The following CLDN18 variants were observed in gnomAD, a reference collection of about 807,000 sequenced individuals.
CLDN18 encodes the protein claudin-18.
In CLDN18, 20 loss-of-function variants were observed where a neutral mutation model predicts 25.0. The observed-to-expected ratio is 0.80, with a 90% CI of 0.56 to 1.16. CLDN18 has a LOEUF of 1.16. Among genes scored for constraint, CLDN18 ranks in the 50% most tolerant of loss-of-function variants. The pLI is 0.00. For missense variants in CLDN18, 297 were observed against 345.4 expected (o/e 0.86, Z 1.11); for synonymous variants, 125 against 135.6 (o/e 0.92, Z 0.54).
chr3:138,026,773 G>A (rs941336788), intron 3 of CLDN18, among the ~76,000 whole-genome samples: 8 of 152,292 alleles, frequency 5.3e-5, no homozygotes, highest in African/African-American at 1.9e-4. Flanking sequence ...AGGAAACAGG[G>A]ACGGGAAGGA....
chr3:138,017,072 G>C (rs1169938710), intron 1 of CLDN18, among the ~76,000 whole-genome samples: 4 of 147,046 alleles, frequency 2.7e-5, no homozygotes, highest in South Asian at 2.2e-4. Flanking sequence ...AAAAAACAAA[G>C]AAAGAAAGTG....
At chr3:138,002,336 C>A (rs1259173096) in intron 1 of CLDN18, among the ~76,000 whole-genome samples, 1 of 152,114 alleles carries the variant, frequency 6.6e-6, no homozygotes, top group Non-Finnish European at 1.5e-5. Context: ...TATTTACTGC[C>A]AATAATTGTT....
In CLDN18 at chr3:138,024,727, A is replaced by G; in HGVS notation, c.503+3A>G. ...ATGGTGCAGACTGTTCAGACCAGGT[A>G]ACCTCCTAATCTAGGTCTCGGCATT... On this transcript the variant is annotated splice_donor_region_variant and intron_variant, in intron 3 of 4. Transcript: ENST00000183605. The G allele has an allele frequency of 3.3e-6, 5 of 1,514,314 alleles. No homozygotes were observed. Among genetic ancestry groups the G allele is most frequent in the Non-Finnish European group, 4.6e-6 (5 of 1,091,208 alleles). 93.8% of individuals were successfully genotyped at this position (1,514,314 alleles called of 1,614,324 possible). A position where few individuals can be genotyped will look rare whatever the true frequency, so the allele number is the denominator to read the frequency against.
At chr3:138,017,109 C>T (rs186675560) in intron 1 of CLDN18, among the ~76,000 whole-genome samples, 2 of 152,038 alleles carry the variant, frequency 1.3e-5, no homozygotes, top group African/African-American at 4.8e-5. Context: ...CAAGATCTAG[C>T]TCTTGGTATC....
In CLDN18 at chr3:138,030,851, G is replaced by A. The variant is rs933855438; in HGVS notation, c.615-119G>A. 6.5e-6 allele frequency: 6 copies of A among 919,570 alleles called. No homozygotes were observed. The Admixed American group carries it at 6.6e-5, about 10-fold the overall frequency. 57.0% of individuals were successfully genotyped at this position (919,570 alleles called of 1,614,324 possible). ...TAACTATCCTGGTTTGCCCCGGACT[G>A]ATGGGTTTCCAGGGACACTGGACTT... On this transcript the variant is annotated intron_variant, in intron 4 of 4. Coordinates refer to ENST00000183605, the MANE Select transcript of CLDN18 (RefSeq NM_016369.4).
intron 1 of CLDN18, among the ~76,000 whole-genome samples, chr3:138,002,977 A>C (rs1263776865): frequency 6.6e-6 from 1 of 152,242 alleles, no homozygotes; most frequent in East Asian, 1.9e-4. Flanking sequence ...TTTATTGAAC[A>C]CCTACTATGT....
exon 1 of CLDN18, chr3:137,998,843 G>A: frequency 6.2e-7 from 1 of 1,610,890 alleles, no homozygotes. Flanking sequence ...TTGTCGTGTG[G>A]CTCTGTGTCG....
intron 3 of CLDN18, among the ~76,000 whole-genome samples, chr3:138,026,665 A>T (rs915492356): frequency 6.6e-5 from 10 of 152,140 alleles, no homozygotes; most frequent in African/African-American, 2.4e-4. Flanking sequence ...ACAAAAAAAA[A>T]TTAGAAGGGT....
In CLDN18 at chr3:138,010,339, C is replaced by T; in HGVS notation, c.114C>T (p.Asn38=). ...GGAGCACCCAGGACCTGTACGACAACCCCGTCACCTCCGTGTTCCAGTACG... is the reference window on the plus strand; with the variant it reads ...GGAGCACCCAGGACCTGTACGACAATCCCGTCACCTCCGTGTTCCAGTACG... The part of the protein sequence containing the change: ...DMWSTQDLYD[N]PVTSVFQYEG... The change falls in exon 1 of 5, where the codon AAC becomes AAT. Residue 38 remains asparagine, a synonymous_variant. Coordinates refer to ENST00000183605, the MANE Select transcript of CLDN18 (RefSeq NM_016369.4). 6.2e-7 allele frequency: 1 copy of T among 1,614,234 alleles called. No homozygotes were observed. Among genetic ancestry groups the T allele is most frequent in the Middle Eastern group, 1.6e-4 (1 of 6,062 alleles).
intron 3 of CLDN18, among the ~76,000 whole-genome samples, chr3:138,025,926 T>C (rs948241997): frequency 1.3e-5 from 2 of 151,942 alleles, no homozygotes; most frequent in African/African-American, 4.8e-5. Context: ...CTGCCATCAC[T>C]CTCTCACATC....
chr3:138,029,998 A>G, intron 4 of CLDN18, 91 bp downstream of exon 4: 1 of 772,410 alleles, frequency 1.3e-6, no homozygotes. Context: ...AAATCAGTCT[A>G]GGTATATGGA....
At chr3:138,009,031 C>T (rs997149506), upstream of CLDN18, among the ~76,000 whole-genome samples, 1 of 152,222 alleles carries the variant, frequency 6.6e-6, no homozygotes, top group Non-Finnish European at 1.5e-5. Context: ...AAACATAACA[C>T]CTGATGTCTT....
intron 1 of CLDN18, 72 bp downstream of exon 1, chr3:138,010,517 C>T: frequency 1.3e-6 from 2 of 1,568,756 alleles, no homozygotes; most frequent in Non-Finnish European, 1.7e-6. Context: ...TGCGTTAAGC[C>T]CCACTCCCAC....
At chr3:137,999,590 G>A (rs1030982916) in intron 1 of CLDN18, among the ~76,000 whole-genome samples, 2 of 152,158 alleles carry the variant, frequency 1.3e-5, no homozygotes, top group African/African-American at 4.8e-5. Flanking sequence ...AAAAGAACTA[G>A]GTGGCTGTGT....
At chr3:138,009,553 G>A (rs977733034), upstream of CLDN18, among the ~76,000 whole-genome samples, 1 of 152,110 alleles carries the variant, frequency 6.6e-6, no homozygotes, top group African/African-American at 2.4e-5. Flanking sequence ...GAGAAAGAGC[G>A]CTGGACTGGA....
At chr3:138,018,405 C>T (rs986536405) in intron 1 of CLDN18, among the ~76,000 whole-genome samples, 2 of 144,128 alleles carry the variant, frequency 1.4e-5, no homozygotes, top group Non-Finnish European at 1.5e-5. Flanking sequence ...GGCGGGATCT[C>T]GGCTCACTGC....
intron 1 of CLDN18, among the ~76,000 whole-genome samples, chr3:138,022,880 T>C (rs1449894208): frequency 6.6e-6 from 1 of 152,228 alleles, no homozygotes; most frequent in Admixed American, 6.5e-5. Context: ...AGTAAACAAT[T>C]GTTGCTATGA....
intron 1 of CLDN18, among the ~76,000 whole-genome samples, chr3:138,015,147 T>A (rs1321626176): frequency 6.6e-6 from 1 of 151,700 alleles, no homozygotes; most frequent in Non-Finnish European, 1.5e-5. Flanking sequence ...AAAAATAAAA[T>A]ATTTTTAAAA....
intron 3 of CLDN18, among the ~76,000 whole-genome samples, chr3:138,025,902 G>T (rs1942321774): frequency 6.6e-6 from 1 of 152,170 alleles, no homozygotes; most frequent in African/African-American, 2.4e-5. Context: ...CCACTTTGCA[G>T]TTAGCACTAA....
Sources: allele counts gnomAD v4.1 joint callset (sites outside exome capture counted in the v4.1 genomes callset), GRCh38; gene constraint gnomAD v4.1.1; transcripts MANE v1.5; gene names NCBI Gene and HGNC (gene_info 2026-07-23, HGNC 2026-07-21).